Variants in KIF27 observed in about 807,000 individuals in gnomAD.
KIF27 encodes kinesin-like protein KIF27.
In KIF27, 84 loss-of-function variants were observed where a neutral mutation model predicts 141.8. The observed-to-expected ratio is 0.59, with a 90% CI of 0.50 to 0.71. The LOEUF (loss-of-function observed/expected upper bound fraction) is 0.71, where lower values mean the gene tolerates loss of function less well. Ranked by LOEUF, KIF27 falls within the 30% of genes least tolerant of loss-of-function variation. KIF27 has a pLI of 0.00. For synonymous variants in KIF27, 471 were observed against 569.5 expected (o/e 0.83, Z 2.46); for missense variants, 1,306 against 1,628.4 (o/e 0.80, Z 3.41).
chr9:83,908,874 C>T (rs549013721), intron 2 of KIF27, among the ~76,000 whole-genome samples: 131 of 152,184 alleles, frequency 8.6e-4, no homozygotes, highest in Admixed American at 1.6e-3. Context: ...ATTCTCCTGC[C>T]TCAGCCTCCT....
intron 9 of KIF27, among the ~76,000 whole-genome samples, chr9:83,884,678 T>C (rs1210161798): frequency 6.6e-6 from 1 of 152,208 alleles, no homozygotes; most frequent in Non-Finnish European, 1.5e-5. Flanking sequence ...AAAGTCATTA[T>C]CACACTAACA....
chr9:83,876,772 A>AT (rs1273278503), intron 11 of KIF27, among the ~76,000 whole-genome samples: 1 of 152,214 alleles, frequency 6.6e-6, no homozygotes, highest in Non-Finnish European at 1.5e-5. Context: ...TGGCCAGTTG[A>AT]TTTTTTAAAA....
chr9:83,837,894 A>G (rs889740018), intron 17 of KIF27: 1 of 169,884 alleles, frequency 5.9e-6, no homozygotes. Flanking sequence ...CTCGAGGGAA[A>G]ACTCTAGGAC....
chr9:83,914,117 T>C (rs1172146100), intron 2 of KIF27, among the ~76,000 whole-genome samples: 1 of 150,638 alleles, frequency 6.6e-6, no homozygotes, highest in Non-Finnish European at 1.5e-5. Flanking sequence ...AAAAAAAAGA[T>C]AGCTATAATT....
chr9:83,878,393 A>G (rs1383301882), intron 11 of KIF27, among the ~76,000 whole-genome samples: 5 of 151,974 alleles, frequency 3.3e-5, no homozygotes, highest in African/African-American at 1.2e-4. Context: ...TTCTACTCCT[A>G]GGTACATACT....
At chr9:83,857,316 T>C (rs1157508008) in intron 14 of KIF27, among the ~76,000 whole-genome samples, 3 of 152,236 alleles carry the variant, frequency 2.0e-5, no homozygotes, top group Non-Finnish European at 4.4e-5. Flanking sequence ...GAATCTCATG[T>C]TCTCGATCAT....
intron 4 of KIF27, among the ~76,000 whole-genome samples, chr9:83,900,166 A>AT: frequency 6.6e-6 from 1 of 152,214 alleles, no homozygotes; most frequent in African/African-American, 2.4e-5. Flanking sequence ...CCAAATTGAC[A>AT]TATAGGGTTA....
At chr9:83,890,070 C>A (rs1952522681) in intron 6 of KIF27, among the ~76,000 whole-genome samples, 2 of 152,174 alleles carry the variant, frequency 1.3e-5, no homozygotes, top group African/African-American at 4.8e-5. Context: ...GGAGACAGTC[C>A]ATTTATCAAT....
intron 10 of KIF27, among the ~76,000 whole-genome samples, chr9:83,882,606 T>C (rs546017129): frequency 1.3e-5 from 2 of 152,344 alleles, no homozygotes; most frequent in Admixed American, 6.5e-5. Context: ...TGCATGGATA[T>C]GTCAAAGGTA....
At chr9:83,886,185 A>G (rs1474556868) in intron 9 of KIF27, among the ~76,000 whole-genome samples, 1 of 152,128 alleles carries the variant, frequency 6.6e-6, no homozygotes, top group African/African-American at 2.4e-5. Flanking sequence ...CCAAGATTTC[A>G]GGGTACTGCC....
intron 3 of KIF27, among the ~76,000 whole-genome samples, chr9:83,904,368 AT>A (rs1222641686): frequency 2.0e-5 from 3 of 149,774 alleles, no homozygotes; most frequent in African/African-American, 7.5e-5. Flanking sequence ...AGCCTAATAG[AT>A]TAATCCTTTT....
intron 4 of KIF27, 97 bp from the exon 5 acceptor site, chr9:83,899,901 T>A (rs1953684285): frequency 1.0e-5 from 10 of 980,198 alleles, no homozygotes; most frequent in Admixed American, 2.7e-5. Flanking sequence ...TATAGCTTGA[T>A]GATGTCTCAT....
Position 83,906,312 on chromosome 9 carries a change from G to T in KIF27, c.499+2140C>A, listed in dbSNP as rs201682873. Among the ~76,000 whole-genome samples the T allele has an allele frequency of 2.6e-5, 4 of 152,258 alleles. No individual in the cohort carries two copies. In the East Asian group the frequency reaches 7.7e-4, roughly 29 times the overall value. The stretch of plus-strand genomic sequence containing the variant: ...ACAGGGCTATAAAGATGCAAGATTT[G>T]CTGCCTCCTATAGCCTGCTATTTGA... On this transcript the variant is annotated intron_variant, in intron 3 of 17. Transcript: ENST00000297814.
intron 10 of KIF27, among the ~76,000 whole-genome samples, chr9:83,880,908 GA>G (rs1158467108): frequency 1.3e-5 from 2 of 152,036 alleles, no homozygotes; most frequent in East Asian, 1.9e-4. Context: ...TATTCTTCCA[GA>G]AAAAAATGTA....
At chr9:83,845,253 C>G (rs1221175037) in intron 16 of KIF27, among the ~76,000 whole-genome samples, 2 of 152,318 alleles carry the variant, frequency 1.3e-5, no homozygotes, top group East Asian at 3.9e-4. Flanking sequence ...TTGGTGGAAA[C>G]TGAACGTTTG....
intron 17 of KIF27, among the ~76,000 whole-genome samples, chr9:83,840,615 C>T (rs1946446673): frequency 6.6e-6 from 1 of 151,938 alleles, no homozygotes; most frequent in African/African-American, 2.4e-5. Flanking sequence ...TGACAGTAGA[C>T]TTTTTTTCAA....
intron 9 of KIF27, among the ~76,000 whole-genome samples, chr9:83,885,626 T>C (rs1179415218): frequency 1.3e-5 from 2 of 152,132 alleles, no homozygotes; most frequent in Non-Finnish European, 2.9e-5. Flanking sequence ...ACAGTGCCAA[T>C]TACAACATGT....
intron 16 of KIF27, among the ~76,000 whole-genome samples, chr9:83,848,155 C>A (rs1487291993): frequency 2.2e-5 from 1 of 45,704 alleles, no homozygotes; most frequent in Admixed American, 1.9e-4. Context: ...TCTGATATAT[C>A]ATATATGATA....
chr9:83,865,729 A>C (rs745748736), intron 13 of KIF27, among the ~76,000 whole-genome samples: 1 of 152,106 alleles, frequency 6.6e-6, no homozygotes, highest in East Asian at 1.9e-4. Context: ...TTCTTGCTCT[A>C]TCTCTAATGT....
Sources: allele counts gnomAD v4.1 joint callset (sites outside exome capture counted in the v4.1 genomes callset), GRCh38; gene constraint gnomAD v4.1.1; transcripts MANE v1.5; gene names NCBI Gene and HGNC (gene_info 2026-07-23, HGNC 2026-07-21).